The following SNX29 variants were observed in gnomAD, a reference collection of about 807,000 sequenced individuals.
The protein encoded by SNX29 is sorting nexin 29, also known as sorting nexin-29.
In SNX29, 78 loss-of-function variants were observed where a neutral mutation model predicts 102.1. The ratio of observed to expected loss-of-function variants is 0.76; its 90% confidence interval spans 0.64 to 0.92. The LOEUF is 0.92. SNX29 is among the 40% of genes least tolerant of loss of function. The probability of loss-of-function intolerance (pLI) is 0.00; values close to 1 mark genes in which losing one functional copy is unlikely to be tolerated. For missense variants in SNX29, 1,280 were observed against 1,061.7 expected, an observed-to-expected ratio of 1.21 and a Z score of -2.86; for synonymous variants, 580 against 414.5, an observed-to-expected ratio of 1.40 and a Z score of -4.85.
chr16:12,528,118 C>T (rs551808129), intron 20 of SNX29, among the ~76,000 whole-genome samples: 1 of 152,176 alleles, frequency 6.6e-6, no homozygotes, highest in Admixed American at 6.5e-5. Flanking sequence ...AGCCACCGCA[C>T]CTGGCCTGTT....
At chr16:12,436,688 A>G (rs1191300596) in intron 18 of SNX29, among the ~76,000 whole-genome samples, 2 of 152,214 alleles carry the variant, frequency 1.3e-5, no homozygotes, top group African/African-American at 2.4e-5. Context: ...CTTTTGAGAC[A>G]CAGTGTTGCC....
chr16:12,498,684 G>GTA (rs2088952926), intron 19 of SNX29, among the ~76,000 whole-genome samples: 1 of 152,204 alleles, frequency 6.6e-6, no homozygotes, highest in South Asian at 2.1e-4. Context: ...GTAGTCTCTA[G>GTA]TAATCTCTGA....
At chr16:12,041,771 A>T (rs2049888557) in intron 4 of SNX29, among the ~76,000 whole-genome samples, 1 of 152,210 alleles carries the variant, frequency 6.6e-6, no homozygotes. Context: ...ATAACCTCCC[A>T]ATTTCCAGAT....
chr16:12,550,087 A>C (rs1217519784), intron 20 of SNX29, among the ~76,000 whole-genome samples: 1 of 152,242 alleles, frequency 6.6e-6, no homozygotes. Flanking sequence ...GAAGTTTGCC[A>C]ACCTATGGGC....
intron 18 of SNX29, among the ~76,000 whole-genome samples, chr16:12,417,072 A>G (rs1384106204): frequency 6.6e-6 from 1 of 152,244 alleles, no homozygotes; most frequent in Admixed American, 6.5e-5. Flanking sequence ...TCCCAGGTGC[A>G]GCCAGGGTGC....
At chr16:12,161,712 T>C (rs1683592254) in intron 13 of SNX29, among the ~76,000 whole-genome samples, 1 of 152,152 alleles carries the variant, frequency 6.6e-6, no homozygotes, top group Non-Finnish European at 1.5e-5. Context: ...TCTTGCTCTA[T>C]TAGTTAATGC....
intron 15 of SNX29, among the ~76,000 whole-genome samples, chr16:12,327,922 C>T (rs1371264930): frequency 6.6e-6 from 1 of 152,156 alleles, no homozygotes; most frequent in East Asian, 1.9e-4. Flanking sequence ...ATGGCACCGT[C>T]CTGTGGATTT....
chr16:12,310,249 C>T (rs528183851), intron 15 of SNX29, among the ~76,000 whole-genome samples: 1 of 152,246 alleles, frequency 6.6e-6, no homozygotes, highest in East Asian at 1.9e-4. Flanking sequence ...TGCTACTTGA[C>T]CCTGAAAAAA....
chr16:12,342,873 T>C (rs2081653891), intron 15 of SNX29, among the ~76,000 whole-genome samples: 1 of 152,216 alleles, frequency 6.6e-6, no homozygotes, highest in Non-Finnish European at 1.5e-5. Context: ...CTGGTGTTCA[T>C]GAATTACTGC....
intron 11 of SNX29, among the ~76,000 whole-genome samples, chr16:12,099,458 G>T (rs866757165): frequency 1.3e-5 from 2 of 152,302 alleles, no homozygotes; most frequent in African/African-American, 2.4e-5. Flanking sequence ...TTGTTCCTGG[G>T]TAGTTAGGTG....
intron 16 of SNX29, among the ~76,000 whole-genome samples, chr16:12,397,054 G>A (rs1320811989): frequency 6.6e-6 from 1 of 152,086 alleles, no homozygotes; most frequent in Non-Finnish European, 1.5e-5. Context: ...CCTGGCTAAT[G>A]TTTTTTTCCA....
At chr16:12,036,193 G>A (rs369279534) in intron 4 of SNX29, among the ~76,000 whole-genome samples, 372 of 152,152 alleles carry the variant, frequency 2.4e-3, no homozygotes, top group African/African-American at 8.4e-3. Flanking sequence ...TCCTGCTTCC[G>A]CCTCCCAAGT....
chr16:12,251,512 G>T (rs998398626), intron 14 of SNX29, among the ~76,000 whole-genome samples: 7 of 152,094 alleles, frequency 4.6e-5, no homozygotes, highest in Admixed American at 1.3e-4. Context: ...AGACAATCCT[G>T]GCCAACATGG....
At chr16:12,170,587 G>C (rs1367319750) in intron 13 of SNX29, among the ~76,000 whole-genome samples, 3 of 151,958 alleles carry the variant, frequency 2.0e-5, no homozygotes, top group South Asian at 4.2e-4. Flanking sequence ...GGAGAAGAAT[G>C]CTCTGACATG....
intron 10 of SNX29, among the ~76,000 whole-genome samples, chr16:12,070,821 A>C (rs1399288083): frequency 1.3e-5 from 2 of 152,070 alleles, no homozygotes; most frequent in African/African-American, 4.8e-5. Context: ...CTATTTCTCC[A>C]CATCCAGCAC....
chr16:12,515,268 G>C (rs1269600733), intron 19 of SNX29, among the ~76,000 whole-genome samples: 1 of 152,162 alleles, frequency 6.6e-6, no homozygotes, highest in Non-Finnish European at 1.5e-5. Flanking sequence ...GTCTTTTCCA[G>C]CTGACTGTAA....
At chr16:12,433,274 C>T (rs922526090) in intron 18 of SNX29, among the ~76,000 whole-genome samples, 1 of 152,162 alleles carries the variant, frequency 6.6e-6, no homozygotes, top group African/African-American at 2.4e-5. Flanking sequence ...AGCCTTCTTC[C>T]TCTGCCTTAA....
rs79840689 is a variant in SNX29, at chr16:12,267,886, C to T, written c.1679-10047C>T. 7.2e-5 allele frequency among the ~76,000 whole-genome samples: 11 copies of T among 152,308 alleles called. No homozygotes were observed. The East Asian group carries it at 2.1e-3, about 29-fold the overall frequency. On this transcript the variant is annotated intron_variant, in intron 14 of 20. Coordinates refer to ENST00000566228, the MANE Select transcript of SNX29 (RefSeq NM_032167.5). The stretch of plus-strand genomic sequence containing the variant: ...TTTTGCTCAGAATAAAATACCATAG[C>T]CTGCAAACCCTTACTGTCCCCTCTC...
intron 14 of SNX29, among the ~76,000 whole-genome samples, chr16:12,215,473 T>C (rs141860051): frequency 1.3e-5 from 2 of 152,248 alleles, no homozygotes; most frequent in East Asian, 3.9e-4. Flanking sequence ...GATGTCCTGA[T>C]ACAGAAGTGA....
Sources: gnomAD v4.1 joint callset for allele counts (sites outside exome capture counted in the v4.1 genomes callset) on GRCh38, gnomAD v4.1.1 for gene constraint, MANE v1.5 for transcripts, NCBI Gene and HGNC (gene_info 2026-07-23, HGNC 2026-07-21) for gene names.